The following OTOF variants were observed in gnomAD, a reference collection of about 807,000 sequenced individuals.
OTOF encodes the protein otoferlin, also known as fer-1-like family member 2.
OTOF carries 218 observed loss-of-function variants against 236.8 expected under a neutral mutation model. The observed-to-expected ratio is 0.92, with a 90% CI of 0.82 to 1.03. OTOF has a LOEUF of 1.03. Ranked by LOEUF, OTOF falls within the 50% of genes least tolerant of loss-of-function variation. The pLI is 0.00. For synonymous variants in OTOF, 1,041 were observed against 1,072.5 expected (o/e 0.97, Z 0.57); for missense variants, 2,590 against 2,694.4 (o/e 0.96, Z 0.86).
intron 2 of OTOF, among the ~76,000 whole-genome samples, chr2:26,532,040 C>A (rs1457854002): frequency 1.4e-5 from 2 of 142,034 alleles, no homozygotes; most frequent in Non-Finnish European, 3.0e-5. Flanking sequence ...TTGCAGTGAG[C>A]CCAGATGGCA....
intron 9 of OTOF, among the ~76,000 whole-genome samples, chr2:26,490,274 T>C (rs1665808267): frequency 6.6e-6 from 1 of 152,224 alleles, no homozygotes; most frequent in Non-Finnish European, 1.5e-5. Flanking sequence ...CACATGGACA[T>C]TGCCATGAAG....
chr2:26,497,803 A>C (rs1403286235), intron 8 of OTOF, among the ~76,000 whole-genome samples: 2 of 152,226 alleles, frequency 1.3e-5, no homozygotes, highest in Non-Finnish European at 2.9e-5. Flanking sequence ...TCCTTCAGGG[A>C]GCTAAAAAGG....
chr2:26,542,389 G>A (rs370659093), intron 1 of OTOF, among the ~76,000 whole-genome samples: 2 of 152,172 alleles, frequency 1.3e-5, no homozygotes, highest in Non-Finnish European at 2.9e-5. Context: ...CTTTAAGAGC[G>A]TATTACAATC....
At chr2:26,517,585 C>T (rs1278611283) in intron 4 of OTOF, among the ~76,000 whole-genome samples, 1 of 152,194 alleles carries the variant, frequency 6.6e-6, no homozygotes, top group Admixed American at 6.5e-5. Flanking sequence ...TAACTCCAAG[C>T]CCCATGTCCT....
At chr2:26,544,702 G>A (rs1323021906) in intron 1 of OTOF, among the ~76,000 whole-genome samples, 2 of 152,040 alleles carry the variant, frequency 1.3e-5, no homozygotes, top group Non-Finnish European at 2.9e-5. Flanking sequence ...AAATTCCTAA[G>A]AACAGAATGG....
At position 26,460,159 on chromosome 2, in the gene OTOF, C is replaced by A. The variant is rs747859599; in HGVS notation, c.5860G>T (p.Ala1954Ser). The A allele has an allele frequency of 3.7e-6, 6 of 1,604,106 alleles. No individual in the cohort carries two copies. Among genetic ancestry groups the A allele is most frequent in the Admixed American group, 1.7e-5 (1 of 58,776 alleles). ...TACGTGTGCCACAAGAAGTAGCGAG[C>A]CGACTTGAGAGGGTTCAGGAACCAG... ...FIWFLNPLKSARYFLWHTYRW... is the reference protein window; with the variant it reads ...FIWFLNPLKSSRYFLWHTYRW... Residue 1954 changes from alanine to serine, a missense_variant, in exon 46 of 47, where the codon GCT becomes TCT. Coordinates refer to ENST00000272371, the MANE Select transcript of OTOF (RefSeq NM_194248.3). This position sits in a 1 kb window ranked among gnomAD's most constrained non-coding sequence, Gnocchi z 5.3.
intron 15 of OTOF, 44 bp downstream of exon 15, chr2:26,480,742 T>C (rs1665515534): frequency 1.3e-6 from 2 of 1,527,722 alleles, no homozygotes; most frequent in African/African-American, 1.4e-5. Context: ...AGAAGGGGGC[T>C]GAGCTGGAGG....
At chr2:26,542,561 G>T (rs924189219) in intron 1 of OTOF, among the ~76,000 whole-genome samples, 2 of 152,234 alleles carry the variant, frequency 1.3e-5, no homozygotes, top group African/African-American at 4.8e-5. Context: ...ACGCATTGAC[G>T]CTAGAAGACC....
intron 3 of OTOF, among the ~76,000 whole-genome samples, chr2:26,523,575 G>T (rs146701672): frequency 1.2e-4 from 19 of 152,224 alleles, no homozygotes; most frequent in African/African-American, 4.3e-4. Context: ...TGTCACCCTT[G>T]AGTGCCCTGA....
chr2:26,483,136 CGT>C (rs1665607102), intron 13 of OTOF, among the ~76,000 whole-genome samples: 1 of 141,586 alleles, frequency 7.1e-6, no homozygotes, highest in Non-Finnish European at 1.5e-5. Flanking sequence ...TGAGTGGGTG[CGT>C]GTCTGCATGT....
Position 26,459,530 on chromosome 2 carries a change from C to T in OTOF, c.*17+478G>A, listed in dbSNP as rs58904665. Among the ~76,000 whole-genome samples, 1,219 of 133,808 alleles carry T rather than the reference C, an allele frequency of 9.1e-3. 16 individuals are homozygous for T. The highest frequency in any genetic ancestry group is 0.031 in the African/African-American group (1,053 of 34,274). The allele number at this position is 133,808 out of a possible 152,430, so 87.8% of individuals were successfully genotyped here. On this transcript the variant is annotated intron_variant, in intron 46 of 46. Coordinates refer to ENST00000272371, the MANE Select transcript of OTOF (RefSeq NM_194248.3). ...TTGTGCCACTGCACTCTAGCCTGGG[C>T]GACAGAGCGAGACTCTGTCTCCAAA...
intron 4 of OTOF, among the ~76,000 whole-genome samples, chr2:26,517,371 T>A (rs1475911058): frequency 2.0e-5 from 3 of 152,206 alleles, no homozygotes; most frequent in African/African-American, 7.2e-5. Flanking sequence ...GCACCCAGGC[T>A]TAGATTTCCC....
chr2:26,536,691 C>T (rs1217347534), intron 2 of OTOF, among the ~76,000 whole-genome samples: 1 of 152,150 alleles, frequency 6.6e-6, no homozygotes, highest in African/African-American at 2.4e-5. Context: ...GAGGCCCTTC[C>T]CAGCCCCCAC....
At chr2:26,458,783 A>G (rs1353469695) in intron 46 of OTOF, among the ~76,000 whole-genome samples, 1 of 152,204 alleles carries the variant, frequency 6.6e-6, no homozygotes, top group Non-Finnish European at 1.5e-5. Context: ...AGGTTTTGTA[A>G]AATGTCAAGA....
rs376382871 is a variant in OTOF, at chr2:26,472,794, TG to T, written c.3734-146del. ...GGACAGGCAGTCAAGGGAGAAAATA[TG>T]GGCATGGGGAGGGAAGAAGAGAGCC... On this transcript the variant is annotated intron_variant, in intron 29 of 46. Transcript: ENST00000272371. 2.3e-3 allele frequency: 1,975 copies of T among 860,090 alleles called. 8 individuals carry two copies. The highest frequency in any genetic ancestry group is 0.011 in the Middle Eastern group (34 of 3,116). The allele number at this position is 860,090 out of a possible 1,614,324, so 53.3% of individuals were successfully genotyped here.
intron 11 of OTOF, among the ~76,000 whole-genome samples, chr2:26,484,880 A>C (rs1665664583): frequency 6.6e-6 from 1 of 152,136 alleles, no homozygotes; most frequent in African/African-American, 2.4e-5. Context: ...ACTTGGAAGC[A>C]CGACAGCCTC....
chr2:26,537,466 G>A (rs1356576983), intron 2 of OTOF, among the ~76,000 whole-genome samples: 3 of 152,250 alleles, frequency 2.0e-5, no homozygotes, highest in South Asian at 2.1e-4. Context: ...CGAGGTGGGC[G>A]AGGCTGCTGT....
In OTOF at chr2:26,463,465, G is replaced by C. The variant is rs778284716; in HGVS notation, c.5192+18C>G. 1 of 1,576,256 alleles carries C rather than the reference G, an allele frequency of 6.3e-7. No individual in the cohort carries two copies. The highest frequency in any genetic ancestry group is 1.2e-5 in the South Asian group (1 of 86,488). ...GGGTGGGCCGGAAGGGAGTAGCGCT[G>C]GGCCCCAGGCCGCTCACTTCTTGGG... On this transcript the variant is annotated intron_variant, in intron 41 of 46. Transcript: ENST00000272371.
intron 5 of OTOF, among the ~76,000 whole-genome samples, chr2:26,506,536 G>C (rs1227064959): frequency 6.6e-6 from 1 of 152,210 alleles, no homozygotes; most frequent in Non-Finnish European, 1.5e-5. Flanking sequence ...AGTCCCGGGG[G>C]GAGTGCAAGG....
Sources: allele counts gnomAD v4.1 joint callset (sites outside exome capture counted in the v4.1 genomes callset), GRCh38; gene constraint gnomAD v4.1.1; non-coding constraint Gnocchi (gnomAD v3.1); transcripts MANE v1.5; gene names NCBI Gene and HGNC (gene_info 2026-07-23, HGNC 2026-07-21).